Variants in DAB2IP observed in about 807,000 individuals in gnomAD.
DAB2IP encodes disabled homolog 2-interacting protein.
A neutral mutation model predicts 107.2 loss-of-function variants in DAB2IP; 28 were observed. That is an observed-to-expected ratio of 0.26 (90% confidence interval 0.19 to 0.36). The LOEUF is 0.36. Among genes scored for constraint, DAB2IP ranks in the 10% least tolerant of loss-of-function variants. The pLI is 1.00. For missense variants in DAB2IP, 1,400 were observed against 1,644.7 expected, an observed-to-expected ratio of 0.85 and a Z score of 2.57; for synonymous variants, 755 against 706.4, an observed-to-expected ratio of 1.07 and a Z score of -1.09.
chr9:121,568,275 G>T (rs1272708503), intron 1 of DAB2IP, among the ~76,000 whole-genome samples: 1 of 152,168 alleles, frequency 6.6e-6, no homozygotes, highest in Non-Finnish European at 1.5e-5. Context: ...CAAGGAGAGG[G>T]GCCCTTTGCC....
rs41273440 is a variant in DAB2IP, at chr9:121,760,118, G to C, written c.849G>C (p.Lys283Asn). Residue 283 changes from lysine (K) to asparagine (N), a missense_variant, in exon 6 of 16, where the codon AAG becomes AAC. Physicochemically the swap from Lys to Asn is moderately conservative, Grantham distance 94. Around this residue, in one of 3 missense-constraint regions of DAB2IP, gnomAD observed 517 missense variants for 748.6 expected, o/e 0.69. Transcript: ENST00000408936. The surrounding 1 kb of genome is among the most constrained non-coding windows in gnomAD (Gnocchi z 5.9). ...TGTACCGGGAGACCGACAAGAAGAA[G>C]AAGAAGGAGCGCAACAGTTACCTGG... The C allele has an allele frequency of 1.2e-6, 2 of 1,613,968 alleles. No homozygotes were observed. Among genetic ancestry groups the C allele is most frequent in the Non-Finnish European group, 1.7e-6 (2 of 1,180,026 alleles).
rs1005716753 is a variant in DAB2IP, at chr9:121,702,196, G to A, written c.362+2738G>A. Among the ~76,000 whole-genome samples, 32 of 152,166 alleles carry A rather than the reference G, an allele frequency of 2.1e-4. No individual in the cohort carries two copies. Among genetic ancestry groups the A allele is most frequent in the African/African-American group, 7.5e-4 (31 of 41,434 alleles). ...CGTGCTCCGCAAGCTGCTGTGTTGG[G>A]GAGGTGGTTTTTTTGCGCTGGAATT... On this transcript the variant is annotated intron_variant, in intron 3 of 15. Transcript: ENST00000408936. This position sits in a 1 kb window ranked among gnomAD's most constrained non-coding sequence, Gnocchi z 4.5.
Position 121,776,234 on chromosome 9 carries a change from A to G in DAB2IP, c.3157A>G (p.Thr1053Ala). 1 of 1,584,358 alleles carries G rather than the reference A, an allele frequency of 6.3e-7. No homozygotes were observed. Among genetic ancestry groups the G allele is most frequent in the East Asian group, 2.3e-5 (1 of 43,702 alleles). Residue 1053 changes from threonine (T) to alanine (A), a missense_variant, in exon 14 of 16, where the codon ACC becomes GCC. Thr to Ala is a moderately conservative substitution (Grantham distance 58, BLOSUM62 0). This residue lies in a region of DAB2IP where 600 missense variants were observed against 659.1 expected (regional missense o/e 0.91). Transcript: ENST00000408936. The surrounding 1 kb of genome is among the most constrained non-coding windows in gnomAD (Gnocchi z 5.4). Reference sequence around the variant, plus strand: ...GCTGCAGGACAAGCTGCGAATCTCCACCAAGAAGCTGGAGGAGTATGAGAC... The same window carrying G: ...GCTGCAGGACAAGCTGCGAATCTCCGCCAAGAAGCTGGAGGAGTATGAGAC...
rs1035595249 is a variant in DAB2IP at position 121,772,587 on chromosome 9, G to T, written c.2079-20G>T. On this transcript the variant is annotated intron_variant, in intron 11 of 15. Transcript: ENST00000408936. This position sits in a 1 kb window ranked among gnomAD's most constrained non-coding sequence, Gnocchi z 4.7. ...TCTTCTTTTCCCCTTCTTTCCCTGT[G>T]TGTGCTTGTCTCCCTGCAGTCTGAT... 3 of 1,598,632 alleles carry T rather than the reference G, an allele frequency of 1.9e-6. No individual in the cohort carries two copies. Among genetic ancestry groups the T allele is most frequent in the Middle Eastern group, 1.7e-4 (1 of 6,002 alleles).
At chr9:121,630,603 T>C (rs1831840404) in intron 1 of DAB2IP, among the ~76,000 whole-genome samples, 1 of 151,526 alleles carries the variant, frequency 6.6e-6, no homozygotes, top group South Asian at 2.1e-4. Flanking sequence ...TATTTATTAA[T>C]TTTTAATTTT....
chr9:121,630,615 A>G (rs1004911450), intron 1 of DAB2IP, among the ~76,000 whole-genome samples: 2 of 147,716 alleles, frequency 1.4e-5, no homozygotes, highest in Non-Finnish European at 3.0e-5. Flanking sequence ...TTTAATTTTT[A>G]TATATATTTT....
chr9:121,707,223 G>T (rs1830099917), intron 3 of DAB2IP, among the ~76,000 whole-genome samples: 1 of 152,010 alleles, frequency 6.6e-6, no homozygotes, highest in Non-Finnish European at 1.5e-5. Context: ...AACTGAGTGT[G>T]CTTAAATTTT....
At chr9:121,674,597 C>G (rs980490419) in intron 1 of DAB2IP, among the ~76,000 whole-genome samples, 1 of 152,190 alleles carries the variant, frequency 6.6e-6, no homozygotes, top group African/African-American at 2.4e-5. Flanking sequence ...TGGGAGCACT[C>G]TTTGCTATAG....
At chr9:121,750,801 A>C (rs1833063825) in intron 3 of DAB2IP, among the ~76,000 whole-genome samples, 1 of 152,200 alleles carries the variant, frequency 6.6e-6, no homozygotes, top group African/African-American at 2.4e-5. Context: ...TAAGAGAAAA[A>C]AGGATCAGAG....
At chr9:121,664,447 A>T in intron 1 of DAB2IP, among the ~76,000 whole-genome samples, 1 of 152,154 alleles carries the variant, frequency 6.6e-6, no homozygotes, top group East Asian at 1.9e-4. Flanking sequence ...TTGGATTTTG[A>T]TTGGGATTAC....
intron 3 of DAB2IP, among the ~76,000 whole-genome samples, chr9:121,726,280 A>T (rs1479243057): frequency 6.6e-6 from 1 of 152,228 alleles, no homozygotes; most frequent in African/African-American, 2.4e-5. Flanking sequence ...GCTTTCAGAT[A>T]GCTGAATGCT....
intron 1 of DAB2IP, among the ~76,000 whole-genome samples, chr9:121,624,460 T>C (rs1408332275): frequency 6.6e-6 from 1 of 152,258 alleles, no homozygotes; most frequent in African/African-American, 2.4e-5. Context: ...TTTGCTCATC[T>C]GTAAGATGGG....
chr9:121,678,918 GTA>G, intron 2 of DAB2IP, 137 bp downstream of exon 2: 1 of 805,942 alleles, frequency 1.2e-6, no homozygotes, highest in Non-Finnish European at 1.8e-6. Flanking sequence ...CTTGCTCTAG[GTA>G]TCCGATCCCT....
chr9:121,699,766 A>G lies in DAB2IP; in HGVS notation c.362+308A>G, dbSNP rs1288474024. On this transcript the variant is annotated intron_variant, in intron 3 of 15. Transcript: ENST00000408936. The surrounding 1 kb of genome is among the most constrained non-coding windows in gnomAD (Gnocchi z 6.2). ...CCTGCCTCGCCTGTCCGAGGTGGGC[A>G]TTGTTTCCCGGGCCGTGCGGTGCCC... Among the ~76,000 whole-genome samples the G allele has an allele frequency of 6.6e-6, 1 of 152,088 alleles. No individual in the cohort carries two copies. Among genetic ancestry groups the G allele is most frequent in the African/African-American group, 2.4e-5 (1 of 41,442 alleles).
intron 11 of DAB2IP, among the ~76,000 whole-genome samples, chr9:121,772,000 C>A (rs1224123830): frequency 1.3e-5 from 2 of 152,218 alleles, no homozygotes; most frequent in Non-Finnish European, 2.9e-5. Flanking sequence ...GAGGAGGAGG[C>A]CAGGGCAAGT....
intron 3 of DAB2IP, among the ~76,000 whole-genome samples, chr9:121,738,703 C>T (rs1832106725): frequency 6.6e-6 from 1 of 152,228 alleles, no homozygotes; most frequent in Admixed American, 6.5e-5. Context: ...TAGGGAGAGA[C>T]GCCATGGGAG....
At chr9:121,680,174 G>A (rs1828510202) in intron 2 of DAB2IP, among the ~76,000 whole-genome samples, 2 of 152,216 alleles carry the variant, frequency 1.3e-5, no homozygotes, top group South Asian at 4.1e-4. Flanking sequence ...TGTAGGAGGT[G>A]AGGCTGGGAG....
intron 13 of DAB2IP, among the ~76,000 whole-genome samples, 163 bp downstream of exon 13, chr9:121,774,575 T>C (rs1259119372): frequency 6.6e-6 from 1 of 151,872 alleles, no homozygotes; most frequent in Non-Finnish European, 1.5e-5. Flanking sequence ...GTCAGTGGGG[T>C]CTGGAAGAAA....
chr9:121,738,865 C>G (rs937306998), intron 3 of DAB2IP, among the ~76,000 whole-genome samples: 2 of 152,214 alleles, frequency 1.3e-5, no homozygotes, highest in Admixed American at 6.5e-5. Context: ...CACAGAAATA[C>G]AACACGTAGA....
Sources: allele counts gnomAD v4.1 joint callset (sites outside exome capture counted in the v4.1 genomes callset), GRCh38; gene constraint gnomAD v4.1.1; regional missense constraint gnomAD v4.1.1; non-coding constraint Gnocchi (gnomAD v3.1); transcripts MANE v1.5; gene names NCBI Gene and HGNC (gene_info 2026-07-23, HGNC 2026-07-21).